Variants in KIFAP3 observed in about 807,000 individuals in gnomAD.
KIFAP3 encodes the protein kinesin associated protein 3.
KIFAP3 carries 68 observed loss-of-function variants against 106.5 expected under a neutral mutation model. The observed-to-expected ratio is 0.64, with a 90% confidence interval of 0.53 to 0.78. The LOEUF (loss-of-function observed/expected upper bound fraction) is 0.78, where lower values mean the gene tolerates loss of function less well. Ranked by LOEUF, KIFAP3 falls within the 30% of genes least tolerant of loss-of-function variation. KIFAP3 has a pLI of 0.00. For missense variants in KIFAP3, 780 were observed against 941.8 expected, an observed-to-expected ratio of 0.83 and a Z score of 2.25; for synonymous variants, 320 against 311.5, an observed-to-expected ratio of 1.03 and a Z score of -0.29.
At chr1:170,040,761 T>C (rs1669933126) in intron 3 of KIFAP3, among the ~76,000 whole-genome samples, 1 of 152,114 alleles carries the variant, frequency 6.6e-6, no homozygotes, top group African/African-American at 2.4e-5. Flanking sequence ...ATATTTTCCT[T>C]ATCTACGTAG....
intron 8 of KIFAP3, 24 bp from the exon 9 acceptor site, chr1:170,024,620 G>C: frequency 1.5e-6 from 2 of 1,374,848 alleles, no homozygotes; most frequent in Non-Finnish European, 2.0e-6. Context: ...ATATATGAGA[G>C]ATAAAGAATT....
rs1248965088 is a variant in KIFAP3 at position 169,983,333 on chromosome 1, T to C, written c.1443A>G (p.Pro481=). Residue 481 remains proline (P), a synonymous_variant, in exon 13 of 20, where the codon CCA becomes CCG. Coordinates refer to ENST00000361580, the MANE Select transcript of KIFAP3 (RefSeq NM_014970.4). ...TGTTTCTAATCATTTTCATCAGCAA[T>C]GGATCCTTAAACTTCAGAGCCCTCT... ...LMKRALKFKD[P]LLMKMIRNIS... The C allele has an allele frequency of 6.2e-7, 1 of 1,609,982 alleles. No individual in the cohort carries two copies. The highest frequency in any genetic ancestry group is 1.7e-5 in the Admixed American group (1 of 59,544).
intron 10 of KIFAP3, among the ~76,000 whole-genome samples, chr1:169,997,265 G>A (rs191401485): frequency 1.3e-5 from 2 of 152,316 alleles, no homozygotes; most frequent in African/African-American, 2.4e-5. Flanking sequence ...GTGTGAGGAT[G>A]AGATGAGAGA....
At chr1:169,989,560 G>T (rs1666999344) in intron 11 of KIFAP3, among the ~76,000 whole-genome samples, 1 of 151,810 alleles carries the variant, frequency 6.6e-6, no homozygotes, top group Non-Finnish European at 1.5e-5. Flanking sequence ...ACTTTGACTT[G>T]GCTACTCTTT....
chr1:169,995,919 G>C (rs1267263336), intron 10 of KIFAP3, among the ~76,000 whole-genome samples: 1 of 150,770 alleles, frequency 6.6e-6, no homozygotes, highest in Non-Finnish European at 1.5e-5. Flanking sequence ...CATATAGCTT[G>C]TGTGTGTGTG....
At chr1:170,032,802 A>G (rs957520480) in intron 7 of KIFAP3, among the ~76,000 whole-genome samples, 9 of 151,732 alleles carry the variant, frequency 5.9e-5, no homozygotes, top group African/African-American at 2.2e-4. Flanking sequence ...ACATCTTAAC[A>G]TCTCCAAAAC....
chr1:170,004,550 C>T (rs1319315378), intron 10 of KIFAP3, among the ~76,000 whole-genome samples: 2 of 151,960 alleles, frequency 1.3e-5, no homozygotes, highest in Admixed American at 6.6e-5. Flanking sequence ...AGAAATAATG[C>T]CGCATATCTA....
chr1:169,950,472 A>G (rs1307132031), intron 19 of KIFAP3, among the ~76,000 whole-genome samples: 1 of 152,144 alleles, frequency 6.6e-6, no homozygotes, highest in Non-Finnish European at 1.5e-5. Context: ...AGAATTTATA[A>G]ATCATCTGGA....
rs145113675 is a variant in KIFAP3, at chr1:169,951,458, C to T, written c.2273+2553G>A. 2.0e-5 allele frequency among the ~76,000 whole-genome samples: 3 copies of T among 151,898 alleles called. No homozygotes were observed. In the East Asian group the frequency reaches 5.8e-4, roughly 29 times the overall value. ...GTCTTTTGTGAAGTAAAAGAAGCTA[C>T]TTACATATTTTTACTTTTGAAAAGA... is the stretch of plus-strand genomic sequence containing the variant. On this transcript the variant is annotated intron_variant, in intron 19 of 19. Coordinates refer to ENST00000361580, the MANE Select transcript of KIFAP3 (RefSeq NM_014970.4).
intron 17 of KIFAP3, among the ~76,000 whole-genome samples, chr1:169,964,187 TA>T (rs1665483056): frequency 6.7e-6 from 1 of 148,334 alleles, no homozygotes. Context: ...ATAATACATA[TA>T]AAGCATTTAG....
intron 19 of KIFAP3, among the ~76,000 whole-genome samples, chr1:169,923,727 A>T (rs1041294788): frequency 1.3e-5 from 2 of 152,232 alleles, no homozygotes; most frequent in Non-Finnish European, 2.9e-5. Flanking sequence ...AGTATCTCAC[A>T]GACGACTTGT....
chr1:169,964,082 T>C (rs565939828), intron 17 of KIFAP3, among the ~76,000 whole-genome samples: 1 of 152,224 alleles, frequency 6.6e-6, no homozygotes, highest in African/African-American at 2.4e-5. Flanking sequence ...CATACCTCCT[T>C]AGTATTACTG....
chr1:170,043,477 G>A (rs944356197), intron 3 of KIFAP3, among the ~76,000 whole-genome samples: 1 of 152,156 alleles, frequency 6.6e-6, no homozygotes, highest in African/African-American at 2.4e-5. Flanking sequence ...CAGCTAATGT[G>A]GTTTGTATGC....
chr1:170,061,748 G>A (rs1201740677), intron 1 of KIFAP3, among the ~76,000 whole-genome samples: 2 of 152,110 alleles, frequency 1.3e-5, no homozygotes, highest in Non-Finnish European at 2.9e-5. Flanking sequence ...CAATAGCAAA[G>A]ACTTGGAACC....
At chr1:170,005,105 A>G (rs1243749064) in intron 10 of KIFAP3, among the ~76,000 whole-genome samples, 3 of 151,820 alleles carry the variant, frequency 2.0e-5, no homozygotes, top group Non-Finnish European at 4.4e-5. Flanking sequence ...ACACATGAAA[A>G]AATGCTCATC....
intron 16 of KIFAP3, among the ~76,000 whole-genome samples, chr1:169,976,775 G>A (rs1666236884): frequency 1.3e-5 from 2 of 152,100 alleles, no homozygotes; most frequent in African/African-American, 4.8e-5. Flanking sequence ...AGAATGCAGT[G>A]GCACAATCAT....
intron 17 of KIFAP3, among the ~76,000 whole-genome samples, chr1:169,962,277 G>T (rs1359246064): frequency 6.6e-6 from 1 of 152,092 alleles, no homozygotes; most frequent in Non-Finnish European, 1.5e-5. Flanking sequence ...AGGTGTATCT[G>T]TAACACTTGT....
At chr1:169,951,963 T>G (rs1664753075) in intron 19 of KIFAP3, among the ~76,000 whole-genome samples, 1 of 151,974 alleles carries the variant, frequency 6.6e-6, no homozygotes, top group African/African-American at 2.4e-5. Context: ...CAATTATGTT[T>G]CAGAAAACAT....
At chr1:170,039,582 T>C (rs572511317) in intron 3 of KIFAP3, among the ~76,000 whole-genome samples, 2 of 152,200 alleles carry the variant, frequency 1.3e-5, no homozygotes, top group East Asian at 1.9e-4. Context: ...AGAAGCAAAA[T>C]AGTCTGTTCT....
Sources: allele counts gnomAD v4.1 joint callset (sites outside exome capture counted in the v4.1 genomes callset), GRCh38; gene constraint gnomAD v4.1.1; transcripts MANE v1.5; gene names NCBI Gene and HGNC (gene_info 2026-07-23, HGNC 2026-07-21).